The following SNAPC3 variants were observed in gnomAD, a reference collection of about 807,000 sequenced individuals.
SNAPC3 encodes the protein snRNA-activating protein complex subunit 3.
In SNAPC3, 56 loss-of-function variants were observed where a neutral mutation model predicts 47.7. The observed-to-expected ratio is 1.18, with a 90% CI of 0.95 to 1.47. The LOEUF (loss-of-function observed/expected upper bound fraction) is 1.47, where lower values mean the gene tolerates loss of function less well. Ranked by LOEUF, SNAPC3 falls within the 40% of genes most tolerant of loss-of-function variation. The probability of loss-of-function intolerance (pLI) is 0.00; values close to 1 mark genes in which losing one functional copy is unlikely to be tolerated. For missense variants in SNAPC3, 665 were observed against 511.3 expected, an observed-to-expected ratio of 1.30 and a Z score of -2.90; for synonymous variants, 235 against 189.9, an observed-to-expected ratio of 1.24 and a Z score of -1.95.
At chr9:15,451,801 G>A (rs1356135343) in intron 6 of SNAPC3, among the ~76,000 whole-genome samples, 1 of 151,808 alleles carries the variant, frequency 6.6e-6, no homozygotes, top group Non-Finnish European at 1.5e-5. Flanking sequence ...TATTTTTTCT[G>A]CCTATCCAGC....
chr9:15,423,283 G>A lies in SNAPC3; in HGVS notation c.314+90G>A, dbSNP rs891043823. On this transcript the variant is annotated intron_variant, in intron 1 of 8. Coordinates refer to ENST00000380821, the MANE Select transcript of SNAPC3 (RefSeq NM_001039697.2). ...CTCCTCTGGGACTCATCCCTGAGAAGGGCCTGTGGTTTAGACCTGGGCTAG... is the reference window on the plus strand; with the variant it reads ...CTCCTCTGGGACTCATCCCTGAGAAAGGCCTGTGGTTTAGACCTGGGCTAG... 6 of 1,323,292 alleles carry A rather than the reference G, an allele frequency of 4.5e-6. No homozygotes were observed. The Admixed American group carries it at 1.5e-4, about 33-fold the overall frequency. 82.0% of individuals were successfully genotyped at this position (1,323,292 alleles called of 1,614,324 possible). A position where few individuals can be genotyped will look rare whatever the true frequency, so the allele number is the denominator to read the frequency against.
At chr9:15,423,822 A>G in intron 1 of SNAPC3, 87 bp from the exon 2 acceptor site, 2 of 660,946 alleles carry the variant, frequency 3.0e-6, no homozygotes, top group Non-Finnish European at 5.0e-6. Flanking sequence ...TTCGTAATTC[A>G]GTAATGTATT....
intron 8 of SNAPC3, among the ~76,000 whole-genome samples, chr9:15,458,627 T>G (rs888947631): frequency 1.3e-5 from 2 of 152,180 alleles, no homozygotes; most frequent in African/African-American, 4.8e-5. Flanking sequence ...TGATTCTACA[T>G]GTTTAGATTA....
chr9:15,445,764 A>G (rs2033881502), intron 4 of SNAPC3, among the ~76,000 whole-genome samples: 1 of 152,094 alleles, frequency 6.6e-6, no homozygotes, highest in African/African-American at 2.4e-5. Flanking sequence ...GCCTAGACAA[A>G]GTGGCAAAAC....
At chr9:15,450,156 A>G (rs1265541206) in intron 5 of SNAPC3, among the ~76,000 whole-genome samples, 1 of 152,164 alleles carries the variant, frequency 6.6e-6, no homozygotes, top group African/African-American at 2.4e-5. Flanking sequence ...TAAGTACATT[A>G]TACTTAATGT....
downstream of SNAPC3, chr9:15,465,812 TAACTC>T (rs1456045060): frequency 8.8e-6 from 4 of 454,586 alleles, no homozygotes; most frequent in African/African-American, 8.1e-5. Context: ...TGAAGCAAAA[TAACTC>T]AGCAAAGTGT....
Position 15,453,056 on chromosome 9 carries a change from G to T in SNAPC3, c.831G>T (p.Trp277Cys). 1 of 1,613,172 alleles carries T rather than the reference G, an allele frequency of 6.2e-7. No homozygotes were observed. Among genetic ancestry groups the T allele is most frequent in the South Asian group, 1.1e-5 (1 of 90,928 alleles). ...CRDLSRTIIE[W>C]SESHDRGYGK... ...CCCCCCTCAGAACTATCATTGAGTG[G>T]TCAGAGTCCCATGATAGAGGCTATG... Residue 277 changes from tryptophan (W) to cysteine (C), a missense_variant, in exon 7 of 9, where the codon TGG (tryptophan) becomes TGT (cysteine). Physicochemically the swap from Trp to Cys is radical, Grantham distance 215. Coordinates refer to ENST00000380821, the MANE Select transcript of SNAPC3 (RefSeq NM_001039697.2).
At chr9:15,448,303 T>G (rs1164058690) in intron 5 of SNAPC3, among the ~76,000 whole-genome samples, 1 of 152,170 alleles carries the variant, frequency 6.6e-6, no homozygotes, top group Admixed American at 6.5e-5. Flanking sequence ...AAATTAACTT[T>G]CTGAACTGTT....
At chr9:15,429,752 T>A (rs747322601) in intron 2 of SNAPC3, among the ~76,000 whole-genome samples, 3 of 152,164 alleles carry the variant, frequency 2.0e-5, no homozygotes, top group Non-Finnish European at 2.9e-5. Flanking sequence ...GAAAATATTG[T>A]GATAGAGTTG....
downstream of SNAPC3, chr9:15,465,786 C>G: frequency 4.0e-6 from 2 of 496,242 alleles, no homozygotes; most frequent in South Asian, 3.5e-5. Context: ...ATCTTCTTCC[C>G]AAAGTAATAT....
downstream of SNAPC3, chr9:15,465,578 G>T: frequency 6.3e-7 from 1 of 1,578,880 alleles, no homozygotes; most frequent in Non-Finnish European, 8.7e-7. Context: ...TTCACTGGAT[G>T]GCCTGAAGAA....
rs183239544 is a variant in SNAPC3 at position 15,443,292 on chromosome 9, C to T, written c.478-1310C>T. ...TGCCTGTAGGAATAATTAATTGACA[C>T]TTTGACTAGTAATTCCAATGTCTGG... On this transcript the variant is annotated intron_variant, in intron 3 of 8. Coordinates refer to ENST00000380821, the MANE Select transcript of SNAPC3 (RefSeq NM_001039697.2). Among the ~76,000 whole-genome samples, 13 of 152,294 alleles carry T rather than the reference C, an allele frequency of 8.5e-5. No individual in the cohort carries two copies. In the East Asian group the frequency reaches 1.3e-3, roughly 16 times the overall value.
downstream of SNAPC3, chr9:15,465,448 T>C (rs2035552477): frequency 1.5e-6 from 2 of 1,331,684 alleles, no homozygotes; most frequent in African/African-American, 1.5e-5. Flanking sequence ...AATTTAAAAC[T>C]TTCAGCAGTC....
intron 5 of SNAPC3, among the ~76,000 whole-genome samples, chr9:15,447,510 CTTTTTTGTTT>C (rs933946605): frequency 2.8e-4 from 24 of 84,396 alleles, no homozygotes; most frequent in Admixed American, 8.5e-4. Flanking sequence ...ACCTAATTTT[CTTTTTTGTTT>C]TTTTTTGTTT....
chr9:15,452,936 G>A (rs1056544746), intron 6 of SNAPC3, 105 bp from the exon 7 acceptor site: 17 of 897,612 alleles, frequency 1.9e-5, no homozygotes, highest in Non-Finnish European at 2.5e-5. Context: ...TGTCCAGTTA[G>A]TTGGGTGAGC....
chr9:15,463,229 T>C (rs1399716755), downstream of SNAPC3: 1 of 132,784 alleles, frequency 7.5e-6, no homozygotes, highest in African/African-American at 2.9e-5. Flanking sequence ...TTTTTTTTTT[T>C]TTTTTTTTTT....
chr9:15,466,214 C>G (rs1438474750), downstream of SNAPC3, among the ~76,000 whole-genome samples: 1 of 152,156 alleles, frequency 6.6e-6, no homozygotes, highest in Non-Finnish European at 1.5e-5. Context: ...CTCATCTCTA[C>G]TAAAAATACA....
chr9:15,423,200 G>A lies in SNAPC3; in HGVS notation c.314+7G>A, dbSNP rs1331846630. On this transcript the variant is annotated splice_region_variant and intron_variant, in intron 1 of 8. Transcript: ENST00000380821. ...AGCTGAGGGCGGTGTGCGGGTGAGTGCGGAGCAAAGGGGCTCTTGCAGCTT... is the reference window on the plus strand; with the variant it reads ...AGCTGAGGGCGGTGTGCGGGTGAGTACGGAGCAAAGGGGCTCTTGCAGCTT... 2 of 1,575,176 alleles carry A rather than the reference G, an allele frequency of 1.3e-6. No homozygotes were observed. Among genetic ancestry groups the A allele is most frequent in the East Asian group, 4.6e-5 (2 of 43,224 alleles).
In SNAPC3 at chr9:15,428,369, C is replaced by T. The variant is rs542533624; in HGVS notation, c.392+4383C>T. Among the ~76,000 whole-genome samples the T allele has an allele frequency of 6.3e-4, 95 of 151,824 alleles. 1 individual carries two copies. The highest frequency in any genetic ancestry group is 1.6e-3 in the African/African-American group (68 of 41,412). ...GTAAAGCCTGTTAAGTCTAGCCGGT[C>T]GTGGTGGCGGGCGCCTGTAGTCCCA... On this transcript the variant is annotated intron_variant, in intron 2 of 8. Transcript: ENST00000380821.
Sources: gnomAD v4.1 joint callset for allele counts (sites outside exome capture counted in the v4.1 genomes callset) on GRCh38, gnomAD v4.1.1 for gene constraint, MANE v1.5 for transcripts, NCBI Gene and HGNC (gene_info 2026-07-23, HGNC 2026-07-21) for gene names.